Variants in ARL15 observed in about 807,000 individuals in gnomAD.
ARL15 encodes ADP-ribosylation factor-like protein 15.
A neutral mutation model predicts 25.2 loss-of-function variants in ARL15; 19 were observed. The ratio of observed to expected loss-of-function variants is 0.75; its 90% CI spans 0.53 to 1.10. ARL15 has a LOEUF of 1.10. Ranked by LOEUF, ARL15 falls within the 50% of genes least tolerant of loss-of-function variation. ARL15 has a pLI of 0.00. For synonymous variants in ARL15, 94 were observed against 86.8 expected (o/e 1.08, Z -0.46); for missense variants, 220 against 246.0 (o/e 0.89, Z 0.71).
rs70986653 is a variant in ARL15, at chr5:53,979,829, T to TTGTGTG, written c.463-93122_463-93117dup. The stretch of plus-strand genomic sequence containing the variant: ...CACAGTTGAAAGTCTTTAAAGTCTT[T>TTGTGTG]TGTGTGTGTGTGTGTGTGTGTGTGT... On this transcript the variant is annotated intron_variant, in intron 4 of 4. Coordinates refer to ENST00000504924, the MANE Select transcript of ARL15 (RefSeq NM_019087.3). Among the ~76,000 whole-genome samples the TTGTGTG allele has an allele frequency of 2.7e-4, 39 of 143,170 alleles. 1 individual carries two copies. The South Asian group carries it at 8.7e-3, about 32-fold the overall frequency. The allele number at this position is 143,170 out of a possible 152,430, so 93.9% of individuals were successfully genotyped here.
At chr5:54,037,222 G>A (rs1750194538) in intron 4 of ARL15, among the ~76,000 whole-genome samples, 1 of 151,806 alleles carries the variant, frequency 6.6e-6, no homozygotes, top group Admixed American at 6.6e-5. Flanking sequence ...TTGTCTCCAA[G>A]TATTAAATGT....
At chr5:54,215,473 C>G (rs968403544) in intron 1 of ARL15, among the ~76,000 whole-genome samples, 1 of 152,118 alleles carries the variant, frequency 6.6e-6, no homozygotes, top group African/African-American at 2.4e-5. Context: ...GCCGACCCAG[C>G]GCCATTCACA....
intron 4 of ARL15, chr5:54,075,416 G>A (rs1468668782): frequency 6.5e-6 from 1 of 153,866 alleles, no homozygotes; most frequent in East Asian, 1.9e-4. Flanking sequence ...TTATTCACAA[G>A]GCAGCCAAAG....
At chr5:54,222,491 G>C (rs560595206) in intron 1 of ARL15, among the ~76,000 whole-genome samples, 1 of 152,194 alleles carries the variant, frequency 6.6e-6, no homozygotes, top group Non-Finnish European at 1.5e-5. Context: ...AGTGTTCTAG[G>C]AGCTTCTCGT....
At chr5:53,964,262 T>C (rs1580123277) in intron 4 of ARL15, among the ~76,000 whole-genome samples, 1 of 152,230 alleles carries the variant, frequency 6.6e-6, no homozygotes. Context: ...GTAAAGTCAT[T>C]TCACTTTCTA....
chr5:54,249,378 G>C (rs1757179378), intron 1 of ARL15, among the ~76,000 whole-genome samples: 1 of 152,180 alleles, frequency 6.6e-6, no homozygotes, highest in African/African-American at 2.4e-5. Context: ...CAGGGAAATA[G>C]AGCAGAGAAG....
intron 2 of ARL15, among the ~76,000 whole-genome samples, chr5:54,158,596 C>G (rs1754308920): frequency 6.6e-6 from 1 of 151,986 alleles, no homozygotes; most frequent in African/African-American, 2.4e-5. Flanking sequence ...AGTGAAGTGC[C>G]AGGCACGGTG....
intron 4 of ARL15, among the ~76,000 whole-genome samples, chr5:54,096,107 A>C (rs983895081): frequency 3.9e-5 from 6 of 152,176 alleles, no homozygotes; most frequent in African/African-American, 1.4e-4. Flanking sequence ...CATTTCCCAG[A>C]ACAATCAGGA....
At chr5:54,138,117 C>T (rs999644768) in intron 3 of ARL15, among the ~76,000 whole-genome samples, 1 of 152,092 alleles carries the variant, frequency 6.6e-6, no homozygotes, top group Non-Finnish European at 1.5e-5. Context: ...ATAAGAGTTA[C>T]TAATGTATAA....
intron 4 of ARL15, among the ~76,000 whole-genome samples, chr5:54,057,850 A>T (rs1230601671): frequency 2.6e-5 from 4 of 152,022 alleles, no homozygotes; most frequent in African/African-American, 9.7e-5. Context: ...TGAGACTCTG[A>T]CCCTGCCTAA....
chr5:54,242,877 T>C (rs1756996259), intron 1 of ARL15, among the ~76,000 whole-genome samples: 1 of 152,112 alleles, frequency 6.6e-6, no homozygotes, highest in Non-Finnish European at 1.5e-5. Context: ...GAAATTAAAA[T>C]TGCAAAATGC....
intron 1 of ARL15, chr5:54,308,034 T>C (rs1266858136): frequency 1.3e-5 from 2 of 152,052 alleles, no homozygotes; most frequent in Non-Finnish European, 2.9e-5. Context: ...TCCTCAGAAA[T>C]AGGGCTTTTA....
intron 4 of ARL15, among the ~76,000 whole-genome samples, chr5:54,032,693 CT>C (rs1249378549): frequency 6.6e-6 from 1 of 152,118 alleles, no homozygotes; most frequent in Non-Finnish European, 1.5e-5. Flanking sequence ...ATGGGAATTA[CT>C]GTTGCACAAA....
intron 1 of ARL15, among the ~76,000 whole-genome samples, chr5:54,282,994 G>T (rs1207697218): frequency 1.3e-5 from 2 of 152,150 alleles, no homozygotes; most frequent in Non-Finnish European, 2.9e-5. Flanking sequence ...AATATTTTTA[G>T]CACATTAAAT....
At chr5:54,152,705 T>C (rs554121643) in intron 3 of ARL15, among the ~76,000 whole-genome samples, 1 of 152,324 alleles carries the variant, frequency 6.6e-6, no homozygotes, top group South Asian at 2.1e-4. Context: ...CTGCATCTCT[T>C]AACCTCATTA....
chr5:54,290,384 C>A (rs1758293201), intron 1 of ARL15, among the ~76,000 whole-genome samples: 1 of 150,958 alleles, frequency 6.6e-6, no homozygotes, highest in African/African-American at 2.4e-5. Context: ...CTCGCTGCAA[C>A]CTCTGCCCAC....
chr5:54,224,306 A>T (rs778047413), intron 1 of ARL15, among the ~76,000 whole-genome samples: 11 of 152,168 alleles, frequency 7.2e-5, no homozygotes, highest in Non-Finnish European at 1.5e-4. Flanking sequence ...CAAGGATGAC[A>T]AGGCAGATGG....
chr5:53,992,243 A>G (rs1182678439), intron 4 of ARL15, among the ~76,000 whole-genome samples: 1 of 152,224 alleles, frequency 6.6e-6, no homozygotes, highest in Non-Finnish European at 1.5e-5. Flanking sequence ...AATTTAAAAC[A>G]TCCCCTATGA....
At chr5:54,155,527 C>T (rs1301050222) in intron 2 of ARL15, among the ~76,000 whole-genome samples, 2 of 152,090 alleles carry the variant, frequency 1.3e-5, no homozygotes, top group African/African-American at 4.8e-5. Flanking sequence ...TATGCATAGG[C>T]AATCATTTTA....
Sources: allele counts gnomAD v4.1 joint callset (sites outside exome capture counted in the v4.1 genomes callset), GRCh38; gene constraint gnomAD v4.1.1; transcripts MANE v1.5; gene names NCBI Gene and HGNC (gene_info 2026-07-23, HGNC 2026-07-21).